The following CAMTA1 variants were observed in gnomAD, a reference collection of about 807,000 sequenced individuals.
CAMTA1 encodes the protein calmodulin-binding transcription activator 1.
Under a neutral mutation model 170.9 loss-of-function variants are expected in CAMTA1, and 27 were observed. That is an observed-to-expected ratio of 0.16 (90% confidence interval 0.12 to 0.22). The LOEUF (loss-of-function observed/expected upper bound fraction) is 0.22, where lower values mean the gene tolerates loss of function less well. Ranked by LOEUF, CAMTA1 falls within the 10% of genes least tolerant of loss-of-function variation. CAMTA1 has a pLI of 1.00. For synonymous variants in CAMTA1, 833 were observed against 891.5 expected (o/e 0.93, Z 1.17); for missense variants, 1,619 against 2,217.2 (o/e 0.73, Z 5.42).
chr1:7,106,262 G>C (rs1643575142), intron 4 of CAMTA1, among the ~76,000 whole-genome samples: 1 of 151,808 alleles, frequency 6.6e-6, no homozygotes, highest in Non-Finnish European at 1.5e-5. Flanking sequence ...AAGGGAGAGA[G>C]AGAGAGAGAG....
intron 3 of CAMTA1, among the ~76,000 whole-genome samples, chr1:7,012,144 T>G (rs1699893109): frequency 6.6e-6 from 1 of 152,062 alleles, no homozygotes; most frequent in African/African-American, 2.4e-5. Flanking sequence ...CGGTTCAAGT[T>G]TTTAACCTCA....
At chr1:7,589,185 C>A (rs2095335658) in intron 6 of CAMTA1, among the ~76,000 whole-genome samples, 1 of 152,140 alleles carries the variant, frequency 6.6e-6, no homozygotes, top group African/African-American at 2.4e-5. Flanking sequence ...TGTTGTGGTC[C>A]CTCCCCTTCC....
rs183373568 is a variant in CAMTA1, at chr1:7,474,100, G to A, written c.510+6199G>A. Reference sequence around the variant, plus strand: ...TCTGTGTGGGGTGGGGTTTAGACCCGTCAAATAGTGGGGTTAGGATCACCC... The same window carrying A: ...TCTGTGTGGGGTGGGGTTTAGACCCATCAAATAGTGGGGTTAGGATCACCC... On this transcript the variant is annotated intron_variant, in intron 6 of 22. Coordinates refer to ENST00000303635, the MANE Select transcript of CAMTA1 (RefSeq NM_015215.4). Among the ~76,000 whole-genome samples the A allele has an allele frequency of 7.9e-4, 120 of 152,366 alleles. 1 individual carries two copies. The highest frequency in any genetic ancestry group is 2.9e-3 in the Admixed American group (44 of 15,308).
chr1:7,259,654 C>T (rs899876333), intron 5 of CAMTA1, among the ~76,000 whole-genome samples: 1 of 152,204 alleles, frequency 6.6e-6, no homozygotes, highest in African/African-American at 2.4e-5. Context: ...TCACAAGTTG[C>T]TCTGGCAATT....
At chr1:7,156,577 C>T (rs1414182724) in intron 4 of CAMTA1, among the ~76,000 whole-genome samples, 3 of 152,220 alleles carry the variant, frequency 2.0e-5, no homozygotes, top group East Asian at 1.9e-4. Flanking sequence ...CTGAGCCACA[C>T]GCCCTGGTGA....
intron 5 of CAMTA1, among the ~76,000 whole-genome samples, chr1:7,268,988 A>G (rs1415496938): frequency 6.6e-6 from 1 of 152,260 alleles, no homozygotes; most frequent in Non-Finnish European, 1.5e-5. Flanking sequence ...GGACAATACA[A>G]TATCTAAAGT....
rs529091136 is a variant in CAMTA1 at position 7,564,948 on chromosome 1, A to C, written c.511-75452A>C. ...GACAGAGAAATGGAGAAGGAGAGAG[A>C]GAAGCAAAGGAAGCAAGGTGGGAGA... is the stretch of plus-strand genomic sequence containing the variant. On this transcript the variant is annotated intron_variant, in intron 6 of 22. Coordinates refer to ENST00000303635, the MANE Select transcript of CAMTA1 (RefSeq NM_015215.4). Among the ~76,000 whole-genome samples the C allele has an allele frequency of 4.0e-5, 6 of 151,898 alleles. No individual in the cohort carries two copies. In the South Asian group the frequency reaches 8.3e-4, roughly 21 times the overall value.
chr1:7,269,760 T>C (rs1013668040), intron 5 of CAMTA1, among the ~76,000 whole-genome samples: 4 of 152,150 alleles, frequency 2.6e-5, no homozygotes, highest in Non-Finnish European at 5.9e-5. Context: ...AACAGACATA[T>C]AATTGGAGGC....
intron 5 of CAMTA1, among the ~76,000 whole-genome samples, chr1:7,414,688 G>C (rs1335461416): frequency 1.3e-5 from 2 of 151,686 alleles, no homozygotes; most frequent in African/African-American, 4.9e-5. Flanking sequence ...TATCAATTTT[G>C]TTGATCTTTT....
intron 3 of CAMTA1, among the ~76,000 whole-genome samples, chr1:6,942,318 A>C (rs941186452): frequency 2.2e-4 from 33 of 152,172 alleles, no homozygotes; most frequent in Non-Finnish European, 1.5e-5. Context: ...CAGTATTACA[A>C]TTTTATAAAA....
At chr1:7,235,007 G>A (rs970159022) in intron 4 of CAMTA1, among the ~76,000 whole-genome samples, 2 of 151,838 alleles carry the variant, frequency 1.3e-5, no homozygotes, top group East Asian at 2.0e-4. Context: ...GGCTGGTCTC[G>A]AACTCCTGAC....
Position 6,965,666 on chromosome 1 carries a change from C to T in CAMTA1, c.235-125638C>T, listed in dbSNP as rs1053397824. Among the ~76,000 whole-genome samples the T allele has an allele frequency of 2.0e-5, 3 of 152,152 alleles. No homozygotes were observed. The highest frequency in any genetic ancestry group is 4.4e-5 in the Non-Finnish European group (3 of 68,026). On this transcript the variant is annotated intron_variant, in intron 3 of 22. Transcript: ENST00000303635. This position sits in a 1 kb window ranked among gnomAD's most constrained non-coding sequence, Gnocchi z 4.1. Reference sequence around the variant, plus strand: ...AAGTCCTGACAACAAGTAAAGAAAACTTAGCTGGCAATAAAATAAGGGACT... The same window carrying T: ...AAGTCCTGACAACAAGTAAAGAAAATTTAGCTGGCAATAAAATAAGGGACT...
intron 11 of CAMTA1, among the ~76,000 whole-genome samples, chr1:7,702,082 G>A (rs1015131431): frequency 8.0e-6 from 1 of 124,802 alleles, no homozygotes; most frequent in Non-Finnish European, 1.9e-5. Flanking sequence ...AGGCACTCCA[G>A]GAGAAGAACG....
chr1:6,991,061 T>C (rs1696295262), intron 3 of CAMTA1, among the ~76,000 whole-genome samples: 1 of 151,792 alleles, frequency 6.6e-6, no homozygotes, highest in South Asian at 2.1e-4. Flanking sequence ...ATCAGTAGTT[T>C]GTATCAGTAG....
rs1334026349 is a variant in CAMTA1, at chr1:7,429,628, AATG to A, written c.439-38192_439-38190del. ...TGATGCTGATGGTGGTGATGGTGAT[AATG>A]ATGATGATGGTGATGACAGTGCTGA... is the stretch of plus-strand genomic sequence containing the variant. On this transcript the variant is annotated intron_variant, in intron 5 of 22. Transcript: ENST00000303635. Among the ~76,000 whole-genome samples, 8 of 151,802 alleles carry A rather than the reference AATG, an allele frequency of 5.3e-5. 1 individual carries two copies. The highest frequency in any genetic ancestry group is 3.9e-4 in the Admixed American group (6 of 15,246).
intron 4 of CAMTA1, among the ~76,000 whole-genome samples, chr1:7,139,606 C>T (rs1645776951): frequency 6.6e-6 from 1 of 152,138 alleles, no homozygotes; most frequent in Non-Finnish European, 1.5e-5. Flanking sequence ...ACACAGTTTT[C>T]CCTTTCCTCC....
intron 3 of CAMTA1, among the ~76,000 whole-genome samples, chr1:6,856,292 T>TC (rs199569896): frequency 2.6e-5 from 4 of 151,374 alleles, no homozygotes; most frequent in Non-Finnish European, 5.9e-5. Context: ...TTTTTTTTTT[T>TC]CTCTGTGACA....
intron 6 of CAMTA1, among the ~76,000 whole-genome samples, chr1:7,493,055 A>G (rs2093749355): frequency 1.1e-5 from 1 of 93,706 alleles, no homozygotes; most frequent in South Asian, 3.4e-4. Flanking sequence ...ACCTACATAC[A>G]CACGCGCGCA....
At chr1:7,280,142 T>C (rs533977065) in intron 5 of CAMTA1, among the ~76,000 whole-genome samples, 1 of 152,348 alleles carries the variant, frequency 6.6e-6, no homozygotes, top group East Asian at 1.9e-4. Context: ...GTAACCAGTC[T>C]TCCCAGCCTG....
Sources: gnomAD v4.1 joint callset for allele counts (sites outside exome capture counted in the v4.1 genomes callset) on GRCh38, gnomAD v4.1.1 for gene constraint, Gnocchi (gnomAD v3.1) non-coding constraint, MANE v1.5 for transcripts, NCBI Gene and HGNC (gene_info 2026-07-23, HGNC 2026-07-21) for gene names.